RAB33A: variants seen among roughly 807,000 people sequenced by gnomAD.
The protein encoded by RAB33A is RAB33A, member RAS oncogene family, also known as ras-related protein Rab-33A.
Under a neutral mutation model 12.0 loss-of-function variants are expected in RAB33A, and 6 were observed. That is an observed-to-expected ratio of 0.50 (90% CI 0.27 to 0.99). The LOEUF (loss-of-function observed/expected upper bound fraction) is 0.99. RAB33A is among the 50% of genes least tolerant of loss of function. The pLI, the probability that RAB33A is intolerant of heterozygous loss-of-function variation, is 0.11. For synonymous variants in RAB33A, 70 were observed against 82.4 expected, an observed-to-expected ratio of 0.85 and a Z score of 0.81; for missense variants, 109 against 192.0, an observed-to-expected ratio of 0.57 and a Z score of 2.55.
the RAB33A span, among the ~76,000 whole-genome samples, chrX:130,120,978 C>T: frequency 1.8e-5 from 2 of 112,926 alleles, no homozygotes. Context: ...CTCGCTGGCA[C>T]GCGGCCTCCC....
At chrX:130,147,680 T>G in the RAB33A span, 126 of 1,210,069 alleles carry the variant, frequency 1.0e-4, no homozygotes, top group African/African-American at 1.9e-3. Context: ...GGGGCAAATG[T>G]CAAAGCATTC....
chrX:130,145,319 G>C, the RAB33A span, among the ~76,000 whole-genome samples: 1 of 111,738 alleles, frequency 8.9e-6, no homozygotes, highest in Non-Finnish European at 1.9e-5. Context: ...GCTTTCCCCA[G>C]AAAGACACAC....
At position 130,184,293 on chromosome X, in the gene RAB33A, G is replaced by A. The variant is rs186792535; in HGVS notation, c.267G>A (p.Val89=). The A allele has an allele frequency of 2.2e-5, 27 of 1,206,932 alleles. No individual in the cohort carries two copies. In the African/African-American group the frequency reaches 4.4e-4, roughly 19 times the overall value. Residue 89 remains valine (V), a synonymous_variant, in exon 2 of 2, where the codon GTG becomes GTA. Transcript: ENST00000257017. ...EIEGEKIKVQ[V]WDTAGQERFR... Reference sequence around the variant, plus strand: ...GTTTTTGTATCTTCCAGGTTCAGGTGTGGGACACAGCAGGTCAGGAACGTT... The same window carrying A: ...GTTTTTGTATCTTCCAGGTTCAGGTATGGGACACAGCAGGTCAGGAACGTT...
the RAB33A span, among the ~76,000 whole-genome samples, chrX:130,115,249 G>C: frequency 3.0e-4 from 28 of 91,836 alleles, no homozygotes; most frequent in East Asian, 8.3e-3. Flanking sequence ...CTTGTGGGCA[G>C]AGCAATATAC....
At chrX:130,153,521 C>T in the RAB33A span, among the ~76,000 whole-genome samples, 1 of 111,310 alleles carries the variant, frequency 9.0e-6, no homozygotes, top group Non-Finnish European at 1.9e-5. Flanking sequence ...ACGCTATTCA[C>T]TGTTATGGAC....
the RAB33A span, chrX:130,130,012 A>G: frequency 8.3e-7 from 1 of 1,211,560 alleles, no homozygotes; most frequent in Admixed American, 2.2e-5. Flanking sequence ...TCCATAGCAC[A>G]ATCCCCACGA....
At chrX:130,136,031 T>A in the RAB33A span, 2 of 1,211,631 alleles carry the variant, frequency 1.7e-6, no homozygotes, top group Non-Finnish European at 2.2e-6. Flanking sequence ...CTGGTCATGC[T>A]GTAGCACACT....
the RAB33A span, chrX:130,129,830 C>T: frequency 4.7e-6 from 4 of 857,304 alleles, no homozygotes; most frequent in Non-Finnish European, 6.9e-6. Flanking sequence ...TGTTCCTGAG[C>T]CAAGGCTATA....
At chrX:130,150,627 G>A in the RAB33A span, among the ~76,000 whole-genome samples, 5 of 105,334 alleles carry the variant, frequency 4.7e-5, no homozygotes, top group Non-Finnish European at 9.8e-5. Flanking sequence ...GAGCCACCGC[G>A]CCCGGCCTAT....
In RAB33A at chrX:130,172,281, C is replaced by T. The variant is rs756005781; in HGVS notation, c.219C>T (p.Phe73=). The T allele has an allele frequency of 3.3e-6, 4 of 1,211,210 alleles. No individual in the cohort carries two copies. The East Asian group carries it at 8.9e-5, about 27-fold the overall frequency. The stretch of plus-strand genomic sequence containing the variant: ...CTGAAGCCACCATCGGCGTGGACTT[C>T]AGGGAGAAGACCGTGGAAATCGAGG... ...DKTEATIGVD[F]REKTVEIEGE... is the part of the protein sequence containing the mutation. Residue 73 remains phenylalanine (F), a synonymous_variant, in exon 1 of 2, where the codon TTC becomes TTT. Transcript: ENST00000257017.
chrX:130,115,095 T>A, the RAB33A span, among the ~76,000 whole-genome samples: 1 of 111,825 alleles, frequency 8.9e-6, no homozygotes, highest in Middle Eastern at 4.6e-3. Flanking sequence ...TGAGCCGCCA[T>A]GCCTGGCCTT....
chrX:130,164,410 A>G, the RAB33A span, among the ~76,000 whole-genome samples: 1 of 112,795 alleles, frequency 8.9e-6, no homozygotes, highest in East Asian at 2.8e-4. Context: ...CACATTTGCA[A>G]AGACCCTAAC....
chrX:130,158,423 C>A, the RAB33A span, among the ~76,000 whole-genome samples: 1 of 111,436 alleles, frequency 9.0e-6, no homozygotes, highest in Non-Finnish European at 1.9e-5. Context: ...GAGTGTATCC[C>A]AATGCCCTGA....
At chrX:130,146,341 G>A in the RAB33A span, among the ~76,000 whole-genome samples, 1 of 109,603 alleles carries the variant, frequency 9.1e-6, no homozygotes, top group South Asian at 4.0e-4. Flanking sequence ...CTACTCGGGA[G>A]GCTGAGGTGG....
At chrX:130,136,804 A>C in the RAB33A span, 1 of 1,095,951 alleles carries the variant, frequency 9.1e-7, no homozygotes, top group East Asian at 3.0e-5. Context: ...AAAGCTGACC[A>C]GCGGTCTCCT....
At chrX:130,169,465 C>T (rs1394549314), upstream of RAB33A, among the ~76,000 whole-genome samples, 1 of 111,640 alleles carries the variant, frequency 9.0e-6, no homozygotes, top group Non-Finnish European at 1.9e-5. Context: ...ACACAAAGGG[C>T]ATTGTACAGT....
At chrX:130,169,827 A>G (rs1198702256), upstream of RAB33A, among the ~76,000 whole-genome samples, 1 of 112,271 alleles carries the variant, frequency 8.9e-6, no homozygotes, top group Admixed American at 9.5e-5. Flanking sequence ...GAATTGGCAA[A>G]GGGCAAAGCC....
chrX:130,172,645 C>T (rs1201490410), intron 1 of RAB33A, among the ~76,000 whole-genome samples: 1 of 111,904 alleles, frequency 8.9e-6, no homozygotes. Context: ...CAGAGGGAGG[C>T]AGGAGGCATC....
chrX:130,157,324 T>G, the RAB33A span, among the ~76,000 whole-genome samples: 1 of 112,495 alleles, frequency 8.9e-6, no homozygotes, highest in Non-Finnish European at 1.9e-5. Flanking sequence ...CACCTGTACA[T>G]AGAAATATAA....
Sources: gnomAD v4.1 joint callset for allele counts (sites outside exome capture counted in the v4.1 genomes callset) on GRCh38, gnomAD v4.1.1 for gene constraint, MANE v1.5 for transcripts, NCBI Gene and HGNC (gene_info 2026-07-23, HGNC 2026-07-21) for gene names.